Variants in PDE8B observed in about 807,000 individuals in gnomAD.
PDE8B encodes phosphodiesterase 8B.
A neutral mutation model predicts 101.3 loss-of-function variants in PDE8B; 26 were observed. The ratio of observed to expected loss-of-function variants is 0.26; its 90% confidence interval spans 0.19 to 0.36. The LOEUF is 0.36. PDE8B is among the 10% of genes least tolerant of loss of function. PDE8B has a pLI of 1.00. For synonymous variants in PDE8B, 424 were observed against 429.3 expected, an observed-to-expected ratio of 0.99 and a Z score of 0.15; for missense variants, 810 against 1,163.1, an observed-to-expected ratio of 0.70 and a Z score of 4.42.
intron 10 of PDE8B, among the ~76,000 whole-genome samples, chr5:77,377,559 A>C (rs1164830975): frequency 1.3e-5 from 2 of 152,236 alleles, no homozygotes; most frequent in African/African-American, 4.8e-5. Flanking sequence ...GCTTAGTTTT[A>C]GGTGTCAACT....
chr5:77,308,810 G>A (rs918175864), intron 1 of PDE8B, among the ~76,000 whole-genome samples: 6 of 152,090 alleles, frequency 3.9e-5, no homozygotes, highest in Non-Finnish European at 8.8e-5. Flanking sequence ...GTCAAAAGTC[G>A]CCTGCCCTTC....
the PDE8B span, among the ~76,000 whole-genome samples, chr5:77,170,568 T>A: frequency 6.6e-6 from 1 of 152,176 alleles, no homozygotes; most frequent in South Asian, 2.1e-4. Flanking sequence ...GGAACACATC[T>A]CCTTTAAGAA....
At chr5:77,157,749 CAT>C in the PDE8B span, among the ~76,000 whole-genome samples, 1 of 152,350 alleles carries the variant, frequency 6.6e-6, no homozygotes, top group East Asian at 1.9e-4. Flanking sequence ...CAGTTCCCCA[CAT>C]GTCTTTCCCT....
At chr5:77,318,682 A>G (rs1271664737) in intron 2 of PDE8B, among the ~76,000 whole-genome samples, 1 of 152,182 alleles carries the variant, frequency 6.6e-6, no homozygotes. Flanking sequence ...CATTTAAGGA[A>G]AGTTCTCAGA....
upstream of PDE8B, among the ~76,000 whole-genome samples, chr5:77,206,589 T>C (rs1461250084): frequency 6.6e-6 from 1 of 152,036 alleles, no homozygotes; most frequent in Non-Finnish European, 1.5e-5. Context: ...GGAGAGACAA[T>C]GAGGAGGCTG....
chr5:77,291,322 T>C lies in PDE8B; in HGVS notation c.340-20672T>C. 3 of 1,612,756 alleles carry C rather than the reference T, an allele frequency of 1.9e-6. No individual in the cohort carries two copies. In the South Asian group the frequency reaches 3.3e-5, roughly 18 times the overall value. On this transcript the variant is annotated intron_variant, in intron 1 of 21. Transcript: ENST00000264917. Reference sequence around the variant, plus strand: ...CTCCACACCAAGCAGGCAGTGAGCATGTTTCTTGGAGCAGCGGAAGAAGCA... The same window carrying C: ...CTCCACACCAAGCAGGCAGTGAGCACGTTTCTTGGAGCAGCGGAAGAAGCA...
At chr5:77,411,754 C>A in intron 15 of PDE8B, 33 bp downstream of exon 15, 2 of 1,508,316 alleles carry the variant, frequency 1.3e-6, no homozygotes, top group Non-Finnish European at 1.8e-6. Flanking sequence ...GTTAGTGTAA[C>A]CTGTCTCCAG....
rs771479663 is a variant in PDE8B at position 77,407,377 on chromosome 5, C to G, written c.1289-4C>G. 4 of 1,613,566 alleles carry G rather than the reference C, an allele frequency of 2.5e-6. No individual in the cohort carries two copies. Among genetic ancestry groups the G allele is most frequent in the Non-Finnish European group, 3.4e-6 (4 of 1,179,484 alleles). On this transcript the variant is annotated splice_region_variant and splice_polypyrimidine_tract_variant and intron_variant, in intron 12 of 21. Transcript: ENST00000264917. ...TGGACACAGCTTTCTTGCCTTCTCT[C>G]CAGCACCAAGCCTGCAGAATCGTCG...
the PDE8B span, chr5:77,147,049 C>A: frequency 2.3e-6 from 1 of 437,924 alleles, no homozygotes; most frequent in Non-Finnish European, 4.5e-6. Context: ...AAGGATATTG[C>A]CTCATACTGA....
chr5:77,194,182 C>T, the PDE8B span, among the ~76,000 whole-genome samples: 1 of 152,138 alleles, frequency 6.6e-6, no homozygotes, highest in African/African-American at 2.4e-5. Context: ...TGATAGTGCA[C>T]ACCTGTGTCT....
At chr5:77,137,020 T>C in the PDE8B span, among the ~76,000 whole-genome samples, 1 of 152,266 alleles carries the variant, frequency 6.6e-6, no homozygotes, top group Non-Finnish European at 1.5e-5. Flanking sequence ...CAGGACAAAA[T>C]CAGTTTGCTT....
At chr5:77,415,611 G>A (rs937038044) in intron 17 of PDE8B, among the ~76,000 whole-genome samples, 6 of 151,864 alleles carry the variant, frequency 4.0e-5, no homozygotes, top group Non-Finnish European at 5.9e-5. Flanking sequence ...CACCCACCTC[G>A]ACCTCCCAAA....
chr5:77,418,185 A>G, intron 17 of PDE8B, 44 bp from the exon 18 acceptor site: 1 of 1,272,844 alleles, frequency 7.9e-7, no homozygotes, highest in Non-Finnish European at 1.2e-6. Context: ...GTGGGTCTCC[A>G]AGATCCAGTG....
At chr5:77,274,610 G>C (rs947581145) in intron 1 of PDE8B, among the ~76,000 whole-genome samples, 24 of 152,132 alleles carry the variant, frequency 1.6e-4, no homozygotes, top group African/African-American at 5.6e-4. Context: ...TTCCAATTAA[G>C]TATAAATTTA....
At chr5:77,184,850 A>G in the PDE8B span, among the ~76,000 whole-genome samples, 1 of 152,100 alleles carries the variant, frequency 6.6e-6, no homozygotes, top group South Asian at 2.1e-4. Context: ...AAAATAATAA[A>G]ATAAAAATGA....
the PDE8B span, among the ~76,000 whole-genome samples, chr5:77,117,672 T>A: frequency 5.9e-5 from 9 of 152,170 alleles, no homozygotes; most frequent in African/African-American, 2.2e-4. Context: ...ATCTGGAAGA[T>A]GTTTATTCAG....
At chr5:77,414,631 C>T (rs1166686941) in intron 17 of PDE8B, among the ~76,000 whole-genome samples, 6 of 151,346 alleles carry the variant, frequency 4.0e-5, no homozygotes, top group Non-Finnish European at 8.8e-5. Context: ...AGGGTTTCAC[C>T]ATGTTGGCCA....
At chr5:77,302,214 G>C (rs892334138) in intron 1 of PDE8B, among the ~76,000 whole-genome samples, 2 of 152,050 alleles carry the variant, frequency 1.3e-5, no homozygotes, top group Non-Finnish European at 1.5e-5. Flanking sequence ...TTCTCATTAC[G>C]ACTTCAGAGT....
At chr5:77,403,840 C>CA (rs1199602315) in intron 11 of PDE8B, among the ~76,000 whole-genome samples, 1 of 150,480 alleles carries the variant, frequency 6.6e-6, no homozygotes, top group Non-Finnish European at 1.5e-5. Context: ...TTTTTGGAGA[C>CA]AGAGTTTCAC....
Sources: allele counts gnomAD v4.1 joint callset (sites outside exome capture counted in the v4.1 genomes callset), GRCh38; gene constraint gnomAD v4.1.1; transcripts MANE v1.5; gene names NCBI Gene and HGNC (gene_info 2026-07-23, HGNC 2026-07-21).